The following GNPAT variants were observed in gnomAD, a reference collection of about 807,000 sequenced individuals.
GNPAT encodes glyceronephosphate O-acyltransferase.
GNPAT carries 30 observed loss-of-function variants against 78.4 expected under a neutral mutation model. The observed-to-expected ratio is 0.38, with a 90% CI of 0.29 to 0.52. GNPAT has a LOEUF of 0.52. Among genes scored for constraint, GNPAT ranks in the 20% least tolerant of loss-of-function variants. The probability of loss-of-function intolerance (pLI) is 0.84; values close to 1 mark genes in which losing one functional copy is unlikely to be tolerated. For synonymous variants in GNPAT, 271 were observed against 281.1 expected (o/e 0.96, Z 0.36); for missense variants, 714 against 812.2 (o/e 0.88, Z 1.47).
At position 231,270,966 on chromosome 1, in the gene GNPAT, A is replaced by G. The variant is rs886046092; in HGVS notation, c.1488A>G (p.Ala496=). ...TTTTTGTGCGCCCATCCTTAGTAGC[A>G]GTAGCATTGCAGATGACACCAGGGT... is the stretch of plus-strand genomic sequence containing the variant. ...LNIFVRPSLV[A]VALQMTPGFR... is the part of the protein sequence containing the mutation. The change falls in exon 10 of 16, where the codon GCA becomes GCG. Residue 496 remains alanine, a synonymous_variant. Transcript: ENST00000366647. 1.2e-6 allele frequency: 2 copies of G among 1,614,010 alleles called. No individual in the cohort carries two copies. Among genetic ancestry groups the G allele is most frequent in the East Asian group, 2.2e-5 (1 of 44,894 alleles).
chr1:231,251,151 A>G lies in GNPAT; in HGVS notation c.261+8A>G. ...CATTATGTCATTAAACAGGTAAGTG[A>G]TTCCCTCTTCAACCATGGCCAGATT... is the stretch of plus-strand genomic sequence containing the variant. On this transcript the variant is annotated splice_region_variant and intron_variant, in intron 2 of 15. Coordinates refer to ENST00000366647, the MANE Select transcript of GNPAT (RefSeq NM_014236.4). 1 of 1,520,138 alleles carries G rather than the reference A, an allele frequency of 6.6e-7. No individual in the cohort carries two copies. The highest frequency in any genetic ancestry group is 2.3e-5 in the East Asian group (1 of 44,146). The allele number at this position is 1,520,138 out of a possible 1,614,324, so 94.2% of individuals were successfully genotyped here.
At chr1:231,277,126 T>A (rs1184755872) in intron 15 of GNPAT, among the ~76,000 whole-genome samples, 1 of 152,226 alleles carries the variant, frequency 6.6e-6, no homozygotes, top group Non-Finnish European at 1.5e-5. Flanking sequence ...AGTCTTCTAT[T>A]TATATCGTGT....
chr1:231,276,644 C>A (rs1002198170), intron 15 of GNPAT, among the ~76,000 whole-genome samples: 4 of 152,156 alleles, frequency 2.6e-5, no homozygotes, highest in Non-Finnish European at 5.9e-5. Flanking sequence ...GGAGAATAAT[C>A]CAACCCTTAC....
chr1:231,255,208 A>G (rs1161754131), intron 2 of GNPAT, among the ~76,000 whole-genome samples: 2 of 151,944 alleles, frequency 1.3e-5, no homozygotes, highest in African/African-American at 4.8e-5. Flanking sequence ...CCTTTGTTCT[A>G]AATTCCACCC....
At chr1:231,259,886 A>G (rs192976271) in intron 2 of GNPAT, among the ~76,000 whole-genome samples, 1 of 152,322 alleles carries the variant, frequency 6.6e-6, no homozygotes, top group Non-Finnish European at 1.5e-5. Context: ...GGGCTTCCTC[A>G]AGGATAGAAA....
intron 2 of GNPAT, among the ~76,000 whole-genome samples, chr1:231,253,191 G>T (rs559537583): frequency 9.9e-5 from 15 of 151,886 alleles, no homozygotes; most frequent in Non-Finnish European, 1.5e-4. Context: ...GGATGGTCTC[G>T]ATCTCCTGAC....
chr1:231,276,530 ACTGT>A (rs1334866960), intron 15 of GNPAT, among the ~76,000 whole-genome samples: 1 of 152,190 alleles, frequency 6.6e-6, no homozygotes, highest in Non-Finnish European at 1.5e-5. Context: ...TGATGCTCTC[ACTGT>A]CTGTCTTGCA....
chr1:231,271,168 C>T (rs1434495310), intron 10 of GNPAT, among the ~76,000 whole-genome samples, 168 bp downstream of exon 10: 3 of 152,120 alleles, frequency 2.0e-5, no homozygotes, highest in Non-Finnish European at 2.9e-5. Context: ...TCATCTGCTT[C>T]GAATTTTGGA....
chr1:231,275,113 TG>T (rs1685673254), intron 12 of GNPAT, 107 bp from the exon 13 acceptor site: 1 of 749,280 alleles, frequency 1.3e-6, no homozygotes, highest in African/African-American at 1.7e-5. Context: ...TGCTCTCTTG[TG>T]ATATATCCTT....
At chr1:231,275,678 G>A (rs1250601031) in intron 14 of GNPAT, among the ~76,000 whole-genome samples, 180 bp downstream of exon 14, 2 of 152,172 alleles carry the variant, frequency 1.3e-5, no homozygotes, top group African/African-American at 4.8e-5. Flanking sequence ...ATGTGGTTAT[G>A]AATAGAAATG....
chr1:231,263,174 A>G lies in GNPAT; in HGVS notation c.568+322A>G, dbSNP rs75695425. On this transcript the variant is annotated intron_variant, in intron 4 of 15. Coordinates refer to ENST00000366647, the MANE Select transcript of GNPAT (RefSeq NM_014236.4). ...ACCTCTCTAGGCAATAAATAGATCTAACTTTTTAAAGTTTATTTTTAATTG... is the reference window on the plus strand; with the variant it reads ...ACCTCTCTAGGCAATAAATAGATCTGACTTTTTAAAGTTTATTTTTAATTG... Among the ~76,000 whole-genome samples the G allele has an allele frequency of 8.3e-4, 126 of 152,348 alleles. 4 individuals are homozygous for G. In the East Asian group the frequency reaches 0.023, roughly 28 times the overall value.
rs191502831 is a variant in GNPAT, at chr1:231,254,472, C to T, written c.261+3329C>T. ...TTTTTTTTTTTTTGAGACGGAGTCT[C>T]GCTCTGTCACCCAGGCTGGAGGGCA... is the stretch of plus-strand genomic sequence containing the variant. On this transcript the variant is annotated intron_variant, in intron 2 of 15. Coordinates refer to ENST00000366647, the MANE Select transcript of GNPAT (RefSeq NM_014236.4). 8.2e-3 allele frequency among the ~76,000 whole-genome samples: 1,249 copies of T among 151,788 alleles called. 13 individuals carry two copies. Among genetic ancestry groups the T allele is most frequent in the Non-Finnish European group, 0.012 (785 of 67,950 alleles).
chr1:231,274,172 A>G (rs1221268290), intron 12 of GNPAT, 110 bp downstream of exon 12: 2 of 945,120 alleles, frequency 2.1e-6, no homozygotes, highest in African/African-American at 1.6e-5. Context: ...CCCCAGGCAA[A>G]TGGAAGAAGG....
intron 2 of GNPAT, among the ~76,000 whole-genome samples, chr1:231,260,148 C>T (rs1685183638): frequency 6.6e-6 from 1 of 152,142 alleles, no homozygotes; most frequent in African/African-American, 2.4e-5. Flanking sequence ...TGGTGGAGCA[C>T]TGCAGCAATA....
intron 2 of GNPAT, 47 bp from the exon 3 acceptor site, chr1:231,260,460 T>C: frequency 7.5e-7 from 1 of 1,336,858 alleles, no homozygotes; most frequent in Non-Finnish European, 1.1e-6. Context: ...TTCTGACTTT[T>C]CTGTTATTGT....
Position 231,266,036 on chromosome 1 carries a change from G to A in GNPAT, c.795G>A (p.Glu265=), listed in dbSNP as rs1317172322. The A allele has an allele frequency of 6.2e-7, 1 of 1,612,692 alleles. No homozygotes were observed. Among genetic ancestry groups the A allele is most frequent in the Non-Finnish European group, 8.5e-7 (1 of 1,179,234 alleles). The change falls in exon 7 of 16, where the codon GAG becomes GAA. Residue 265 remains glutamate, a synonymous_variant. Transcript: ENST00000366647. ...CAGGTCTTCTGAATATTGTGATGGA[G>A]CCATTTTTTAAAAGAGAAGTTTTTG... ...PKFGLLNIVM[E]PFFKREVFDT... is the part of the protein sequence containing the mutation.
In GNPAT at chr1:231,246,526, G is replaced by A. The variant is rs556132; in HGVS notation, c.79-4435G>A. ...GGTATAAGAAAGGCCTATTTCACTA[G>A]CAGTAGGGAGAGGCCTGCTCTACTA... On this transcript the variant is annotated intron_variant, in intron 1 of 15. Transcript: ENST00000366647. 1.8e-3 allele frequency among the ~76,000 whole-genome samples: 270 copies of A among 152,328 alleles called. 1 individual carries two copies. Among genetic ancestry groups the A allele is most frequent in the Middle Eastern group, 6.8e-3 (2 of 294 alleles).
At chr1:231,252,695 G>T (rs1307923608) in intron 2 of GNPAT, among the ~76,000 whole-genome samples, 1 of 151,678 alleles carries the variant, frequency 6.6e-6, no homozygotes, top group Non-Finnish European at 1.5e-5. Context: ...TAAGGAATAT[G>T]CTCTCTCCTT....
chr1:231,262,668 G>A, intron 3 of GNPAT, 55 bp from the exon 4 acceptor site: 1 of 1,384,576 alleles, frequency 7.2e-7, no homozygotes, highest in Non-Finnish European at 1.0e-6. Context: ...GATTTGAGAT[G>A]TGATTTGATA....
Sources: gnomAD v4.1 joint callset for allele counts (sites outside exome capture counted in the v4.1 genomes callset) on GRCh38, gnomAD v4.1.1 for gene constraint, MANE v1.5 for transcripts, NCBI Gene and HGNC (gene_info 2026-07-23, HGNC 2026-07-21) for gene names.